The following MAML2 variants were observed in gnomAD, a reference collection of about 807,000 sequenced individuals.
The protein encoded by MAML2 is mastermind-like protein 2.
A neutral mutation model predicts 96.1 loss-of-function variants in MAML2; 22 were observed. That is an observed-to-expected ratio of 0.23 (90% CI 0.16 to 0.33). The LOEUF is 0.33. MAML2 is among the 10% of genes least tolerant of loss of function. The pLI is 1.00. For missense variants in MAML2, 1,367 were observed against 1,392.4 expected (o/e 0.98, Z 0.29); for synonymous variants, 561 against 521.3 (o/e 1.08, Z -1.04).
chr11:96,251,997 G>A (rs540092154), intron 1 of MAML2, among the ~76,000 whole-genome samples: 2 of 152,236 alleles, frequency 1.3e-5, no homozygotes, highest in South Asian at 4.1e-4. Context: ...CTCCCAAAGT[G>A]CTGGGATTAC....
chr11:95,985,413 G>T, intron 4 of MAML2, 118 bp downstream of exon 4: 1 of 623,538 alleles, frequency 1.6e-6, no homozygotes, highest in Non-Finnish European at 2.7e-6. Context: ...AGTCAAATGG[G>T]AGTTAGAAAT....
At chr11:96,049,323 G>A (rs187508517) in intron 2 of MAML2, among the ~76,000 whole-genome samples, 57 of 152,250 alleles carry the variant, frequency 3.7e-4, no homozygotes, top group African/African-American at 1.4e-3. Context: ...TACATAAAAT[G>A]AAGATTTCCC....
chr11:96,215,741 C>A (rs1025592028), intron 1 of MAML2, among the ~76,000 whole-genome samples: 3 of 152,068 alleles, frequency 2.0e-5, no homozygotes, highest in East Asian at 1.9e-4. Context: ...GCAGCCACCC[C>A]CCTCGGGTGC....
intron 1 of MAML2, among the ~76,000 whole-genome samples, chr11:96,136,583 A>G (rs1860637187): frequency 6.6e-6 from 1 of 152,168 alleles, no homozygotes; most frequent in East Asian, 1.9e-4. Flanking sequence ...TGGGGAAAAC[A>G]GACCATGGTG....
In MAML2 at chr11:96,339,542, C is replaced by T. The variant is rs183860331; in HGVS notation, c.513+1841G>A. On this transcript the variant is annotated intron_variant, in intron 1 of 4. Coordinates refer to ENST00000524717, the MANE Select transcript of MAML2 (RefSeq NM_032427.4). Reference sequence around the variant, plus strand: ...AGCCCACTGTGGCTCTTCACGGCCCCGCTCCGGCCTTGACACCCCGGGCAG... The same window carrying T: ...AGCCCACTGTGGCTCTTCACGGCCCTGCTCCGGCCTTGACACCCCGGGCAG... 7.2e-5 allele frequency among the ~76,000 whole-genome samples: 11 copies of T among 152,328 alleles called. No homozygotes were observed. The South Asian group carries it at 1.0e-3, about 14-fold the overall frequency.
intron 2 of MAML2, among the ~76,000 whole-genome samples, chr11:95,998,705 T>A (rs1479786236): frequency 6.6e-6 from 1 of 152,184 alleles, no homozygotes; most frequent in African/African-American, 2.4e-5. Flanking sequence ...GTCTCAAGGA[T>A]GTTAGGAGAC....
At chr11:96,141,714 A>G (rs1485913639) in intron 1 of MAML2, among the ~76,000 whole-genome samples, 1 of 152,210 alleles carries the variant, frequency 6.6e-6, no homozygotes, top group Non-Finnish European at 1.5e-5. Flanking sequence ...GGTGATACAA[A>G]GACACAGGGC....
At chr11:96,014,780 A>G (rs1014334442) in intron 2 of MAML2, among the ~76,000 whole-genome samples, 1 of 152,234 alleles carries the variant, frequency 6.6e-6, no homozygotes, top group Non-Finnish European at 1.5e-5. Context: ...GACTTAAATC[A>G]ATTACAAGTT....
intron 2 of MAML2, among the ~76,000 whole-genome samples, chr11:96,003,167 A>T (rs1294474184): frequency 2.0e-5 from 3 of 150,546 alleles, no homozygotes; most frequent in African/African-American, 7.3e-5. Context: ...GATGATGGGG[A>T]TGATGATAAG....
chr11:96,109,026 A>C (rs1344343632), intron 1 of MAML2, among the ~76,000 whole-genome samples: 3 of 151,956 alleles, frequency 2.0e-5, no homozygotes, highest in Non-Finnish European at 2.9e-5. Flanking sequence ...GTTTCAAAAA[A>C]AAAAAAATGT....
intron 1 of MAML2, among the ~76,000 whole-genome samples, chr11:96,180,317 G>A (rs1285189340): frequency 6.6e-6 from 1 of 152,176 alleles, no homozygotes; most frequent in Admixed American, 6.5e-5. Flanking sequence ...GAGCCAGAAT[G>A]TGTGACTTCT....
intron 1 of MAML2, among the ~76,000 whole-genome samples, chr11:96,339,091 A>G (rs1863955699): frequency 6.6e-6 from 1 of 152,196 alleles, no homozygotes; most frequent in South Asian, 2.1e-4. Context: ...AGTGAAAAGC[A>G]ACTACTAGAA....
At chr11:96,020,188 A>T (rs1218781140) in intron 2 of MAML2, among the ~76,000 whole-genome samples, 2 of 152,294 alleles carry the variant, frequency 1.3e-5, no homozygotes, top group South Asian at 2.1e-4. Flanking sequence ...TCCAATAAAG[A>T]CCATCAAATA....
chr11:96,183,400 C>CA (rs914516375), intron 1 of MAML2, among the ~76,000 whole-genome samples: 1 of 62,126 alleles, frequency 1.6e-5, no homozygotes, highest in East Asian at 4.7e-4. Flanking sequence ...TCCTCCCCCC[C>CA]CCCCCTTTCT....
At chr11:96,276,765 C>A (rs868040243) in intron 1 of MAML2, among the ~76,000 whole-genome samples, 2 of 147,826 alleles carry the variant, frequency 1.4e-5, no homozygotes, top group Non-Finnish European at 3.0e-5. Context: ...GTTAGCTCCC[C>A]ATTTTCATAA....
At chr11:96,125,438 G>A (rs551355526) in intron 1 of MAML2, among the ~76,000 whole-genome samples, 3 of 152,156 alleles carry the variant, frequency 2.0e-5, no homozygotes, top group Non-Finnish European at 4.4e-5. Context: ...GCTACCGCTG[G>A]AAGGCTCTGA....
intron 1 of MAML2, among the ~76,000 whole-genome samples, chr11:96,184,022 T>C (rs1861533237): frequency 6.6e-6 from 1 of 152,182 alleles, no homozygotes; most frequent in Non-Finnish European, 1.5e-5. Context: ...AAGTTTGCAT[T>C]TGCACTCTAC....
chr11:96,198,056 C>G (rs1022934223), intron 1 of MAML2, among the ~76,000 whole-genome samples: 1 of 152,158 alleles, frequency 6.6e-6, no homozygotes, highest in Non-Finnish European at 1.5e-5. Context: ...AATGGAAAAC[C>G]ATTGAAAAGG....
At chr11:96,156,860 T>A (rs1861018594) in intron 1 of MAML2, among the ~76,000 whole-genome samples, 2 of 152,202 alleles carry the variant, frequency 1.3e-5, no homozygotes, top group Admixed American at 6.5e-5. Context: ...GGAACTTTAG[T>A]ATTATGAAGC....
Sources: allele counts gnomAD v4.1 joint callset (sites outside exome capture counted in the v4.1 genomes callset), GRCh38; gene constraint gnomAD v4.1.1; transcripts MANE v1.5; gene names NCBI Gene and HGNC (gene_info 2026-07-23, HGNC 2026-07-21).